The following MLLT3 variants were observed in gnomAD, a reference collection of about 807,000 sequenced individuals.
MLLT3 encodes MLLT3 super elongation complex subunit.
A neutral mutation model predicts 53.2 loss-of-function variants in MLLT3; 4 were observed. That is an observed-to-expected ratio of 0.08 (90% CI 0.04 to 0.17). The LOEUF is 0.17. Ranked by LOEUF, MLLT3 falls within the 10% of genes least tolerant of loss-of-function variation. MLLT3 has a pLI of 1.00. For synonymous variants in MLLT3, 283 were observed against 230.6 expected (o/e 1.23, Z -2.06); for missense variants, 569 against 684.0 (o/e 0.83, Z 1.87).
At chr9:20,504,279 T>G (rs1019042767) in intron 2 of MLLT3, among the ~76,000 whole-genome samples, 2 of 152,050 alleles carry the variant, frequency 1.3e-5, no homozygotes, top group Non-Finnish European at 2.9e-5. Flanking sequence ...AGTCAAGATA[T>G]GGAATCAACC....
At chr9:20,367,471 C>T (rs1007141042) in intron 5 of MLLT3, among the ~76,000 whole-genome samples, 7 of 152,140 alleles carry the variant, frequency 4.6e-5, no homozygotes, top group East Asian at 1.9e-4. Context: ...TGACTAAAGA[C>T]GGTACATTAG....
chr9:20,400,629 T>C (rs114728004), intron 5 of MLLT3, among the ~76,000 whole-genome samples: 10 of 152,184 alleles, frequency 6.6e-5, no homozygotes, highest in African/African-American at 2.2e-4. Flanking sequence ...GAAACAAAAC[T>C]GACCATCCAT....
intron 5 of MLLT3, among the ~76,000 whole-genome samples, chr9:20,391,062 G>A (rs1349933905): frequency 6.6e-6 from 1 of 152,210 alleles, no homozygotes; most frequent in Non-Finnish European, 1.5e-5. Flanking sequence ...CTACACCCAT[G>A]TTACTGCCAC....
intron 4 of MLLT3, among the ~76,000 whole-genome samples, chr9:20,415,262 T>C (rs548374857): frequency 6.6e-6 from 1 of 152,252 alleles, no homozygotes; most frequent in South Asian, 2.1e-4. Flanking sequence ...CACCTAACCA[T>C]CAAATGGACT....
chr9:20,387,481 G>A (rs974152871), intron 5 of MLLT3, among the ~76,000 whole-genome samples: 6 of 152,120 alleles, frequency 3.9e-5, no homozygotes, highest in African/African-American at 1.4e-4. Flanking sequence ...CGGTCGTGGA[G>A]GGGAAGCTTA....
At chr9:20,357,487 T>C (rs1317484394) in intron 8 of MLLT3, among the ~76,000 whole-genome samples, 4 of 152,236 alleles carry the variant, frequency 2.6e-5, no homozygotes, top group African/African-American at 7.2e-5. Context: ...GTAGCACTTT[T>C]GTCTTTAATC....
At chr9:20,515,633 A>G (rs1817892601) in intron 2 of MLLT3, among the ~76,000 whole-genome samples, 1 of 152,058 alleles carries the variant, frequency 6.6e-6, no homozygotes, top group Non-Finnish European at 1.5e-5. Context: ...TCTTTTTGGC[A>G]AAATCTTTTA....
intron 2 of MLLT3, among the ~76,000 whole-genome samples, chr9:20,520,159 G>T (rs1325407740): frequency 6.6e-6 from 1 of 152,044 alleles, no homozygotes; most frequent in Non-Finnish European, 1.5e-5. Context: ...GAGAACACAT[G>T]GACACATAGA....
At chr9:20,593,880 A>G (rs1209065437) in intron 2 of MLLT3, among the ~76,000 whole-genome samples, 2 of 152,124 alleles carry the variant, frequency 1.3e-5, no homozygotes, top group Non-Finnish European at 2.9e-5. Flanking sequence ...TTACTCTTGT[A>G]GAATACATTG....
intron 5 of MLLT3, among the ~76,000 whole-genome samples, chr9:20,397,515 G>A (rs556622509): frequency 2.6e-5 from 4 of 152,204 alleles, no homozygotes; most frequent in African/African-American, 9.6e-5. Flanking sequence ...AACATGTAGG[G>A]CCCTATAAAA....
intron 2 of MLLT3, among the ~76,000 whole-genome samples, chr9:20,544,810 G>A (rs1197955346): frequency 1.3e-5 from 2 of 152,102 alleles, no homozygotes; most frequent in Non-Finnish European, 1.5e-5. Context: ...TTACTCAGTC[G>A]GGCATGGCTT....
chr9:20,351,465 T>G (rs1302240515), intron 10 of MLLT3, among the ~76,000 whole-genome samples: 6 of 152,262 alleles, frequency 3.9e-5, no homozygotes, highest in Non-Finnish European at 8.8e-5. Context: ...TCTCTTGGTT[T>G]GACTGTGTCT....
intron 8 of MLLT3, among the ~76,000 whole-genome samples, chr9:20,355,771 A>G (rs180686451): frequency 1.2e-4 from 18 of 152,364 alleles, no homozygotes; most frequent in African/African-American, 4.3e-4. Flanking sequence ...GTGAGTTGTT[A>G]TAACTGGAGA....
intron 2 of MLLT3, among the ~76,000 whole-genome samples, chr9:20,603,372 TA>T (rs1484849399): frequency 2.0e-5 from 3 of 152,028 alleles, no homozygotes; most frequent in African/African-American, 7.2e-5. Flanking sequence ...ACCCGCAACT[TA>T]GTACTAAATT....
intron 10 of MLLT3, 125 bp downstream of exon 10, chr9:20,353,400 C>A: frequency 1.3e-6 from 1 of 781,616 alleles, no homozygotes; most frequent in Non-Finnish European, 2.2e-6. Flanking sequence ...AATACATCTA[C>A]AGGTGGCATT....
chr9:20,475,348 A>C (rs761678679), intron 2 of MLLT3, among the ~76,000 whole-genome samples: 10 of 152,108 alleles, frequency 6.6e-5, no homozygotes, highest in Non-Finnish European at 1.3e-4. Flanking sequence ...CTAACTCTTA[A>C]CAACTTTTCA....
At chr9:20,491,259 T>C (rs973846261) in intron 2 of MLLT3, among the ~76,000 whole-genome samples, 3 of 152,294 alleles carry the variant, frequency 2.0e-5, no homozygotes, top group East Asian at 3.9e-4. Flanking sequence ...ATTTTTTTAA[T>C]TCTTATCCAC....
chr9:20,569,658 G>A (rs1356144544), intron 2 of MLLT3, among the ~76,000 whole-genome samples: 4 of 152,214 alleles, frequency 2.6e-5, no homozygotes, highest in African/African-American at 4.8e-5. Flanking sequence ...AAAACTCAGC[G>A]GTGTCCTTGG....
intron 5 of MLLT3, among the ~76,000 whole-genome samples, chr9:20,390,365 T>C (rs1224681776): frequency 6.6e-6 from 1 of 152,152 alleles, no homozygotes; most frequent in East Asian, 1.9e-4. Context: ...GTAGCACTAA[T>C]GTAAAATGAA....
Sources: gnomAD v4.1 joint callset for allele counts (sites outside exome capture counted in the v4.1 genomes callset) on GRCh38, gnomAD v4.1.1 for gene constraint, MANE v1.5 for transcripts, NCBI Gene and HGNC (gene_info 2026-07-23, HGNC 2026-07-21) for gene names.